The following ARPC4 variants were observed in gnomAD, a reference collection of about 807,000 sequenced individuals.
ARPC4 encodes the protein actin-related protein 2/3 complex subunit 4.
Under a neutral mutation model 22.8 loss-of-function variants are expected in ARPC4, and 3 were observed. That is an observed-to-expected ratio of 0.13 (90% CI 0.06 to 0.34). ARPC4 has a LOEUF of 0.34. Among genes scored for constraint, ARPC4 ranks in the 10% least tolerant of loss-of-function variants. The pLI is 1.00. For missense variants in ARPC4, 98 were observed against 211.0 expected (o/e 0.46, Z 3.32); for synonymous variants, 80 against 72.5 (o/e 1.10, Z -0.52).
At chr3:9,801,225 AAAAAAAAAAAAAG>A (rs1559728700) in intron 3 of ARPC4, among the ~76,000 whole-genome samples, 1 of 148,208 alleles carries the variant, frequency 6.7e-6, no homozygotes, top group African/African-American at 2.6e-5. Flanking sequence ...AAAAAAAAAA[AAAAAAAAAAAAAG>A]AAATGTTGAG....
intron 1 of ARPC4, 165 bp downstream of exon 1, chr3:9,793,289 T>C: frequency 7.5e-7 from 1 of 1,331,086 alleles, no homozygotes; most frequent in Non-Finnish European, 9.9e-7. Flanking sequence ...GGGCCCGAGG[T>C]GAGGAAGGGG....
chr3:9,795,833 T>C lies in ARPC4; in HGVS notation c.4-1826T>C, dbSNP rs551799627. ...GAAGGAGGGCAGGTGCAGTGGTTCA[T>C]GTCTGTAATCCCAGCACTTTAGGAG... On this transcript the variant is annotated intron_variant, in intron 1 of 5. Transcript: ENST00000397261. 3.9e-5 allele frequency among the ~76,000 whole-genome samples: 6 copies of C among 152,202 alleles called. No individual in the cohort carries two copies. In the South Asian group the frequency reaches 1.2e-3, roughly 32 times the overall value.
At chr3:9,803,558 A>G (rs746656324) in intron 4 of ARPC4, 34 of 573,146 alleles carry the variant, frequency 5.9e-5, no homozygotes, top group South Asian at 4.5e-4. Context: ...CAAGACTTCA[A>G]GTTCCTTGAC....
chr3:9,800,560 G>C (rs983124513), intron 3 of ARPC4, among the ~76,000 whole-genome samples: 1 of 152,144 alleles, frequency 6.6e-6, no homozygotes. Flanking sequence ...AAGTAGCTGG[G>C]ATTACAGGCA....
intron 1 of ARPC4, among the ~76,000 whole-genome samples, chr3:9,796,547 C>T (rs1001523360): frequency 1.3e-5 from 2 of 152,148 alleles, no homozygotes; most frequent in African/African-American, 4.8e-5. Flanking sequence ...GAAAAGCCTA[C>T]AGATAGATGG....
At chr3:9,796,160 G>A (rs2078880156) in intron 1 of ARPC4, among the ~76,000 whole-genome samples, 1 of 152,124 alleles carries the variant, frequency 6.6e-6, no homozygotes, top group South Asian at 2.1e-4. Flanking sequence ...TTGAGAGGCC[G>A]AGGTGGGCGG....
intron 1 of ARPC4, among the ~76,000 whole-genome samples, chr3:9,794,904 A>G (rs1366184531): frequency 1.3e-5 from 2 of 152,110 alleles, no homozygotes. Context: ...ACCATAATAC[A>G]TTTGAGAGTC....
At chr3:9,802,009 G>C (rs1475478943) in intron 4 of ARPC4, among the ~76,000 whole-genome samples, 1 of 152,084 alleles carries the variant, frequency 6.6e-6, no homozygotes, top group Non-Finnish European at 1.5e-5. Flanking sequence ...GGGAGGCCGA[G>C]GTGGGTGGAT....
At chr3:9,801,010 A>C (rs1176949748) in intron 3 of ARPC4, among the ~76,000 whole-genome samples, 1 of 151,970 alleles carries the variant, frequency 6.6e-6, no homozygotes. Flanking sequence ...CAGGAGTTCA[A>C]GACCAGCCTG....
chr3:9,794,970 T>C (rs1022602022), intron 1 of ARPC4, among the ~76,000 whole-genome samples: 2 of 152,180 alleles, frequency 1.3e-5, no homozygotes, highest in African/African-American at 4.8e-5. Context: ...TAGTAGTTAA[T>C]TGAATGGCTG....
chr3:9,796,680 G>T (rs1408429792), intron 1 of ARPC4, among the ~76,000 whole-genome samples: 3 of 152,138 alleles, frequency 2.0e-5, no homozygotes, highest in Non-Finnish European at 4.4e-5. Flanking sequence ...GGTGGCTCAC[G>T]CCTGTAAACC....
chr3:9,802,933 G>A (rs1007659163), intron 4 of ARPC4, among the ~76,000 whole-genome samples: 1 of 151,986 alleles, frequency 6.6e-6, no homozygotes, highest in African/African-American at 2.4e-5. Flanking sequence ...CTCCCAAAGT[G>A]AATCATAGTC....
upstream of ARPC4, chr3:9,793,016 T>G: frequency 3.3e-6 from 5 of 1,530,268 alleles, no homozygotes; most frequent in Non-Finnish European, 4.4e-6. Flanking sequence ...GATGGTACCG[T>G]CCGGAAGTCC....
chr3:9,799,362 A>G (rs868186310), intron 2 of ARPC4, among the ~76,000 whole-genome samples: 4 of 152,160 alleles, frequency 2.6e-5, no homozygotes, highest in Non-Finnish European at 4.4e-5. Flanking sequence ...ATACTTAACC[A>G]GTTGAGCATC....
intron 1 of ARPC4, among the ~76,000 whole-genome samples, chr3:9,796,713 G>A (rs1050515738): frequency 1.3e-5 from 2 of 152,020 alleles, no homozygotes; most frequent in Admixed American, 6.6e-5. Context: ...AGGCCAAGGC[G>A]GGCAGATTAC....
intron 1 of ARPC4, among the ~76,000 whole-genome samples, chr3:9,794,703 T>C (rs1025447085): frequency 1.3e-5 from 2 of 151,896 alleles, no homozygotes; most frequent in African/African-American, 4.8e-5. Flanking sequence ...AGTCAAGTTG[T>C]GTAACCACTA....
intron 2 of ARPC4, 34 bp from the exon 3 acceptor site, chr3:9,800,151 G>T (rs1251507557): frequency 1.2e-6 from 2 of 1,609,144 alleles, no homozygotes; most frequent in African/African-American, 2.7e-5. Flanking sequence ...CTATCCCTCT[G>T]TAGTACAAGT....
In ARPC4 at chr3:9,806,267, C is replaced by T. The variant is rs772345716; in HGVS notation, c.*52C>T. The T allele has an allele frequency of 5.3e-5, 84 of 1,597,634 alleles. No individual in the cohort carries two copies. Among genetic ancestry groups the T allele is most frequent in the South Asian group, 4.0e-4 (36 of 90,754 alleles). ...CCCCCTCAGACTACCCATGTCTCCACGAAGGCGTCCTGGAGTCACTCCCCG... is the reference window on the plus strand; with the variant it reads ...CCCCCTCAGACTACCCATGTCTCCATGAAGGCGTCCTGGAGTCACTCCCCG... On this transcript the variant is annotated 3_prime_UTR_variant, in exon 6 of 6. Coordinates refer to ENST00000397261, the MANE Select transcript of ARPC4 (RefSeq NM_005718.5).
intron 2 of ARPC4, among the ~76,000 whole-genome samples, chr3:9,798,460 G>T (rs1250497538): frequency 2.6e-5 from 4 of 152,026 alleles, no homozygotes; most frequent in Non-Finnish European, 5.9e-5. Flanking sequence ...GGTGGCACAT[G>T]CCTGTAGTCC....
Sources: gnomAD v4.1 joint callset for allele counts (sites outside exome capture counted in the v4.1 genomes callset) on GRCh38, gnomAD v4.1.1 for gene constraint, MANE v1.5 for transcripts, NCBI Gene and HGNC (gene_info 2026-07-23, HGNC 2026-07-21) for gene names.